MACROD2: variants seen among roughly 807,000 people sequenced by gnomAD.
MACROD2 encodes the protein ADP-ribose glycohydrolase MACROD2.
MACROD2 carries 36 observed loss-of-function variants against 70.4 expected under a neutral mutation model. The ratio of observed to expected loss-of-function variants is 0.51; its 90% CI spans 0.39 to 0.68. MACROD2 has a LOEUF of 0.68. Ranked by LOEUF, MACROD2 falls within the 30% of genes least tolerant of loss-of-function variation. The pLI, the probability that MACROD2 is intolerant of heterozygous loss-of-function variation, is 0.00. For synonymous variants in MACROD2, 172 were observed against 178.8 expected, an observed-to-expected ratio of 0.96 and a Z score of 0.30; for missense variants, 496 against 538.4, an observed-to-expected ratio of 0.92 and a Z score of 0.78.
At chr20:15,732,642 T>G (rs372052635) in intron 8 of MACROD2, among the ~76,000 whole-genome samples, 12 of 110,944 alleles carry the variant, frequency 1.1e-4, no homozygotes, top group Non-Finnish European at 1.8e-4. Context: ...TTGTGAATAT[T>G]TGGGATAAAT....
At chr20:15,844,608 G>A (rs1214480632) in intron 8 of MACROD2, among the ~76,000 whole-genome samples, 1 of 152,108 alleles carries the variant, frequency 6.6e-6, no homozygotes, top group Non-Finnish European at 1.5e-5. Flanking sequence ...CGTACACCTA[G>A]TGTTGTACTA....
At chr20:15,810,159 C>T (rs568559246) in intron 8 of MACROD2, among the ~76,000 whole-genome samples, 1 of 151,946 alleles carries the variant, frequency 6.6e-6, no homozygotes, top group East Asian at 1.9e-4. Context: ...ATGATGGTTT[C>T]CAGTTTCATC....
rs371584392 is a variant in MACROD2 at position 14,243,153 on chromosome 20, T to C, written c.271+157425T>C. 3.3e-5 allele frequency among the ~76,000 whole-genome samples: 5 copies of C among 152,244 alleles called. No individual in the cohort carries two copies. In the East Asian group the frequency reaches 7.7e-4, roughly 23 times the overall value. ...GATTCAGCTTTTCAGTTCATTGTGTTAACTGAGTTTTACATACAGACTATA... is the reference window on the plus strand; with the variant it reads ...GATTCAGCTTTTCAGTTCATTGTGTCAACTGAGTTTTACATACAGACTATA... On this transcript the variant is annotated intron_variant, in intron 3 of 17. Coordinates refer to ENST00000684519, the MANE Select transcript of MACROD2 (RefSeq NM_001351661.2).
intron 5 of MACROD2, among the ~76,000 whole-genome samples, chr20:15,072,192 A>G (rs77861234): frequency 0.02 from 3,057 of 152,300 alleles, 47 homozygotes; most frequent in Middle Eastern, 0.044. Flanking sequence ...AAGTATACTC[A>G]ATTTATCTAC....
chr20:15,341,572 T>G (rs2078110516), intron 6 of MACROD2, among the ~76,000 whole-genome samples: 1 of 152,186 alleles, frequency 6.6e-6, no homozygotes, highest in Non-Finnish European at 1.5e-5. Context: ...TTTTGACATA[T>G]GTTAAGGAAA....
chr20:14,947,453 A>G (rs2074441875), intron 5 of MACROD2, among the ~76,000 whole-genome samples: 1 of 152,216 alleles, frequency 6.6e-6, no homozygotes, highest in African/African-American at 2.4e-5. Context: ...AGGGTGTTGT[A>G]AAGAATAAAT....
rs565689817 is a variant in MACROD2, at chr20:15,593,951, G to C, written c.645+94104G>C. On this transcript the variant is annotated intron_variant, in intron 8 of 17. Coordinates refer to ENST00000684519, the MANE Select transcript of MACROD2 (RefSeq NM_001351661.2). The stretch of plus-strand genomic sequence containing the variant: ...TGTACAAGGTCTTTGGTGAGGTATG[G>C]GTTGGTAAACAGAAAAAGCAGTGGC... 6.5e-4 allele frequency among the ~76,000 whole-genome samples: 99 copies of C among 152,280 alleles called. 5 individuals carry two copies. In the South Asian group the frequency reaches 0.018, roughly 27 times the overall value.
At chr20:14,102,164 C>T (rs1351329105) in intron 3 of MACROD2, among the ~76,000 whole-genome samples, 10 of 151,482 alleles carry the variant, frequency 6.6e-5, no homozygotes, top group East Asian at 1.9e-4. Flanking sequence ...CCACCATGCC[C>T]GGCTAATTTT....
At chr20:15,807,155 C>T (rs2063776538) in intron 8 of MACROD2, among the ~76,000 whole-genome samples, 1 of 152,232 alleles carries the variant, frequency 6.6e-6, no homozygotes. Flanking sequence ...AATATTATCT[C>T]TTCCACTGGA....
intron 12 of MACROD2, among the ~76,000 whole-genome samples, chr20:15,956,627 A>G (rs981896894): frequency 1.3e-5 from 2 of 152,180 alleles, no homozygotes; most frequent in Non-Finnish European, 2.9e-5. Context: ...TGCTAAGGCA[A>G]TGGCTCTCAA....
In MACROD2 at chr20:14,603,655, A is replaced by G. The variant is rs150002789; in HGVS notation, c.302-81188A>G. Among the ~76,000 whole-genome samples the G allele has an allele frequency of 5.2e-3, 785 of 152,292 alleles. 8 individuals are homozygous for G. Among genetic ancestry groups the G allele is most frequent in the African/African-American group, 0.018 (749 of 41,580 alleles). ...TGATTTTCTCACTTTAGTAATAACA[A>G]TGACAGTACCTATTATAGACATGAC... On this transcript the variant is annotated intron_variant, in intron 4 of 17. Transcript: ENST00000684519.
chr20:14,629,516 T>G (rs1984382230), intron 4 of MACROD2, among the ~76,000 whole-genome samples: 1 of 152,186 alleles, frequency 6.6e-6, no homozygotes, highest in Admixed American at 6.5e-5. Flanking sequence ...TGGGAGGATG[T>G]TAAATGCTTT....
chr20:15,057,863 T>A (rs1328933442), intron 5 of MACROD2, among the ~76,000 whole-genome samples: 1 of 152,212 alleles, frequency 6.6e-6, no homozygotes, highest in East Asian at 1.9e-4. Context: ...TTTTGATCTC[T>A]CACTGCCCCT....
intron 3 of MACROD2, among the ~76,000 whole-genome samples, chr20:14,271,247 T>G (rs1409163793): frequency 6.6e-6 from 1 of 152,058 alleles, no homozygotes; most frequent in Admixed American, 6.6e-5. Flanking sequence ...CACCCCCCAG[T>G]AGGGGCAGAC....
intron 4 of MACROD2, chr20:14,547,340 T>A (rs2085502245): frequency 4.2e-6 from 1 of 235,690 alleles, no homozygotes; most frequent in South Asian, 7.9e-5. Flanking sequence ...ACAAAGTCCA[T>A]CATACAGATC....
chr20:14,339,791 A>G (rs2082995032), intron 3 of MACROD2, among the ~76,000 whole-genome samples: 1 of 152,172 alleles, frequency 6.6e-6, no homozygotes, highest in Non-Finnish European at 1.5e-5. Flanking sequence ...TAAGCTATGG[A>G]TTAAAATATG....
chr20:15,007,312 C>T (rs536096871), intron 5 of MACROD2, among the ~76,000 whole-genome samples: 1 of 151,440 alleles, frequency 6.6e-6, no homozygotes, highest in African/African-American at 2.4e-5. Context: ...TGCGGTGAGC[C>T]GAGATTGCAC....
intron 5 of MACROD2, among the ~76,000 whole-genome samples, chr20:15,148,090 G>A (rs148724758): frequency 6.9e-4 from 105 of 152,028 alleles, no homozygotes; most frequent in African/African-American, 2.0e-3. Context: ...TGAAATAGTG[G>A]TAAAGTGTTG....
intron 5 of MACROD2, among the ~76,000 whole-genome samples, chr20:15,053,568 A>T (rs570394827): frequency 1.3e-5 from 2 of 149,284 alleles, no homozygotes; most frequent in East Asian, 1.9e-4. Context: ...ACTGCTGATT[A>T]AAAAAAAAAG....
Sources: gnomAD v4.1 joint callset for allele counts (sites outside exome capture counted in the v4.1 genomes callset) on GRCh38, gnomAD v4.1.1 for gene constraint, MANE v1.5 for transcripts, NCBI Gene and HGNC (gene_info 2026-07-23, HGNC 2026-07-21) for gene names.